The following LRMDA variants were observed in gnomAD, a reference collection of about 807,000 sequenced individuals.
The protein encoded by LRMDA is leucine rich melanocyte differentiation associated, also known as leucine-rich melanocyte differentiation-associated protein.
A neutral mutation model predicts 29.8 loss-of-function variants in LRMDA; 18 were observed. That is an observed-to-expected ratio of 0.60 (90% CI 0.42 to 0.90). The LOEUF (loss-of-function observed/expected upper bound fraction) is 0.90, where lower values mean the gene tolerates loss of function less well. Among genes scored for constraint, LRMDA ranks in the 40% least tolerant of loss-of-function variants. The pLI, the probability that LRMDA is intolerant of heterozygous loss-of-function variation, is 0.00. For missense variants in LRMDA, 273 were observed against 273.9 expected (o/e 1.00, Z 0.02); for synonymous variants, 125 against 109.4 (o/e 1.14, Z -0.89).
chr10:75,674,713 G>A (rs903925388), intron 2 of LRMDA, among the ~76,000 whole-genome samples: 1 of 152,166 alleles, frequency 6.6e-6, no homozygotes. Flanking sequence ...TGGGAGTCAG[G>A]ATTTCCTTGA....
intron 2 of LRMDA, among the ~76,000 whole-genome samples, chr10:75,448,972 CA>C (rs1355846452): frequency 6.6e-6 from 1 of 151,906 alleles, no homozygotes. Context: ...GCCAACATGG[CA>C]AAACCCCATC....
At chr10:76,395,193 A>G (rs1005140700) in intron 6 of LRMDA, among the ~76,000 whole-genome samples, 3 of 152,224 alleles carry the variant, frequency 2.0e-5, no homozygotes, top group African/African-American at 4.8e-5. Context: ...ATGAAGTGTG[A>G]CCAACCTGAA....
intron 2 of LRMDA, among the ~76,000 whole-genome samples, chr10:75,892,643 C>G (rs1394796111): frequency 6.6e-6 from 1 of 152,078 alleles, no homozygotes; most frequent in African/African-American, 2.4e-5. Flanking sequence ...ATGGTAATAG[C>G]AGCCGATAAT....
intron 2 of LRMDA, among the ~76,000 whole-genome samples, chr10:75,798,527 C>T (rs1338562623): frequency 6.6e-6 from 1 of 151,908 alleles, no homozygotes; most frequent in African/African-American, 2.4e-5. Context: ...ACTTACTTTG[C>T]TATTTTTCTA....
In LRMDA at chr10:76,052,062, C is replaced by T. The variant is rs561785508; in HGVS notation, c.398+4759C>T. Among the ~76,000 whole-genome samples the T allele has an allele frequency of 2.4e-3, 373 of 152,276 alleles. 2 individuals carry two copies. Among genetic ancestry groups the T allele is most frequent in the African/African-American group, 7.5e-3 (312 of 41,552 alleles). Reference sequence around the variant, plus strand: ...GTGAGGAAGCATGATGTTTTGTTGACGGACTCATCTATCCCATCAAGCTTT... The same window carrying T: ...GTGAGGAAGCATGATGTTTTGTTGATGGACTCATCTATCCCATCAAGCTTT... On this transcript the variant is annotated intron_variant, in intron 4 of 6. Coordinates refer to ENST00000611255, the MANE Select transcript of LRMDA (RefSeq NM_001305581.2).
chr10:75,787,678 T>C (rs182543913), intron 2 of LRMDA, among the ~76,000 whole-genome samples: 167 of 152,312 alleles, frequency 1.1e-3, no homozygotes, highest in Non-Finnish European at 2.2e-3. Context: ...CAGATACAAG[T>C]AATAGAGATG....
chr10:75,724,117 A>G (rs572856632), intron 2 of LRMDA, among the ~76,000 whole-genome samples: 1 of 152,348 alleles, frequency 6.6e-6, no homozygotes. Context: ...ACTAGGGTAC[A>G]GGACTTATGA....
At chr10:75,508,553 ACAT>A (rs1589164225) in intron 2 of LRMDA, among the ~76,000 whole-genome samples, 1 of 152,228 alleles carries the variant, frequency 6.6e-6, no homozygotes, top group East Asian at 1.9e-4. Flanking sequence ...TCTAGGCCAG[ACAT>A]CATTTTAATG....
intron 6 of LRMDA, among the ~76,000 whole-genome samples, chr10:76,368,365 T>C (rs1564522295): frequency 6.6e-6 from 1 of 152,224 alleles, no homozygotes; most frequent in Admixed American, 6.5e-5. Context: ...GACCCAATGT[T>C]CATTCAGGAG....
chr10:75,790,002 G>C (rs1340120221), intron 2 of LRMDA, among the ~76,000 whole-genome samples: 3 of 152,124 alleles, frequency 2.0e-5, no homozygotes, highest in African/African-American at 7.2e-5. Flanking sequence ...GCCTAGCACA[G>C]AACTTTGAGC....
chr10:76,462,305 A>T (rs964437822), intron 6 of LRMDA, among the ~76,000 whole-genome samples: 2 of 152,152 alleles, frequency 1.3e-5, no homozygotes, highest in Non-Finnish European at 2.9e-5. Context: ...AAGACACCTG[A>T]CTTGGTATTC....
chr10:75,557,969 C>T (rs58724248), intron 2 of LRMDA, among the ~76,000 whole-genome samples: 1,968 of 152,194 alleles, frequency 0.013, 51 homozygotes, highest in African/African-American at 0.045. Flanking sequence ...TCTTCCAAGA[C>T]ACCCCTTGGC....
intron 2 of LRMDA, among the ~76,000 whole-genome samples, chr10:75,941,728 A>G (rs1487503532): frequency 6.6e-6 from 1 of 152,158 alleles, no homozygotes; most frequent in African/African-American, 2.4e-5. Context: ...AGCCATGCAG[A>G]CCACAAACCA....
At chr10:75,916,570 C>G (rs1359923672) in intron 2 of LRMDA, among the ~76,000 whole-genome samples, 1 of 152,206 alleles carries the variant, frequency 6.6e-6, no homozygotes, top group Non-Finnish European at 1.5e-5. Flanking sequence ...CCAGGGCTGC[C>G]TGGCACATAC....
intron 2 of LRMDA, among the ~76,000 whole-genome samples, chr10:76,001,739 C>T (rs1415291156): frequency 6.6e-6 from 1 of 151,888 alleles, no homozygotes; most frequent in Non-Finnish European, 1.5e-5. Context: ...TTTCATTGGC[C>T]TTTAATGAGT....
At chr10:76,251,176 T>C (rs1428990805) in intron 5 of LRMDA, among the ~76,000 whole-genome samples, 1 of 150,502 alleles carries the variant, frequency 6.6e-6, no homozygotes, top group Non-Finnish European at 1.5e-5. Context: ...CACACTGATA[T>C]CATGACTTAG....
At chr10:75,560,087 T>G (rs1224854905) in intron 2 of LRMDA, among the ~76,000 whole-genome samples, 41 of 151,700 alleles carry the variant, frequency 2.7e-4, no homozygotes, top group Admixed American at 8.6e-4. Context: ...TTGGTAGCTT[T>G]ATGTGGATGG....
chr10:75,537,491 G>C (rs987819079), intron 2 of LRMDA, among the ~76,000 whole-genome samples: 4 of 152,180 alleles, frequency 2.6e-5, no homozygotes, highest in African/African-American at 9.6e-5. Flanking sequence ...ATGAGACCCT[G>C]ACTGTACAGC....
intron 2 of LRMDA, among the ~76,000 whole-genome samples, chr10:75,658,295 GAA>G (rs10649469): frequency 1.6e-4 from 12 of 76,634 alleles, no homozygotes; most frequent in South Asian, 3.9e-4. Context: ...CAAAGAAAAT[GAA>G]AAAAAAAAAA....
Sources: allele counts gnomAD v4.1 joint callset (sites outside exome capture counted in the v4.1 genomes callset), GRCh38; gene constraint gnomAD v4.1.1; transcripts MANE v1.5; gene names NCBI Gene and HGNC (gene_info 2026-07-23, HGNC 2026-07-21).